SYPL2: variants seen among roughly 807,000 people sequenced by gnomAD.
The protein encoded by SYPL2 is synaptophysin-like protein 2.
Under a neutral mutation model 31.3 loss-of-function variants are expected in SYPL2, and 24 were observed. The ratio of observed to expected loss-of-function variants is 0.77; its 90% CI spans 0.56 to 1.08. The LOEUF (loss-of-function observed/expected upper bound fraction) is 1.08. Among genes scored for constraint, SYPL2 ranks in the 50% least tolerant of loss-of-function variants. The probability of loss-of-function intolerance (pLI) is 0.00; values close to 1 mark genes in which losing one functional copy is unlikely to be tolerated. For synonymous variants in SYPL2, 144 were observed against 143.1 expected, an observed-to-expected ratio of 1.01 and a Z score of -0.05; for missense variants, 342 against 360.1, an observed-to-expected ratio of 0.95 and a Z score of 0.41.
rs1655641901 is a variant in SYPL2 at position 109,466,619 on chromosome 1, G to T, written c.-225G>T. The T allele has an allele frequency of 7.3e-6, 3 of 410,316 alleles. No homozygotes were observed. The highest frequency in any genetic ancestry group is 8.5e-6 in the Non-Finnish European group (2 of 236,406). The allele number at this position is 410,316 out of a possible 1,614,324, so 25.4% of individuals were successfully genotyped here. A position where few individuals can be genotyped will look rare whatever the true frequency, so the allele number is the denominator to read the frequency against. Reference sequence around the variant, plus strand: ...GTCGGGGGCTTTCTGCTGCCGGCGGGGCACCGCGGCGGCCGCAGCCTCTGA... The same window carrying T: ...GTCGGGGGCTTTCTGCTGCCGGCGGTGCACCGCGGCGGCCGCAGCCTCTGA... On this transcript the variant is annotated 5_prime_UTR_variant, in exon 1 of 6. Coordinates refer to ENST00000369872, the MANE Select transcript of SYPL2 (RefSeq NM_001040709.2).
rs764215394 is a variant in SYPL2 at position 109,475,668 on chromosome 1, G to A, written c.217G>A (p.Val73Met). The change falls in exon 3 of 6, where the codon GTG becomes ATG. Residue 73 changes from valine to methionine, a missense_variant. Coordinates refer to ENST00000369872, the MANE Select transcript of SYPL2 (RefSeq NM_001040709.2). ...MVRCNNEAKD[V>M]SSIIVAFGYP... ...TCGCTGCAACAACGAAGCCAAGGAC[G>A]TGAGCTCCATCATCGTTGCATTTGG... The A allele has an allele frequency of 1.2e-5, 19 of 1,614,012 alleles. No homozygotes were observed. The highest frequency in any genetic ancestry group is 2.7e-5 in the African/African-American group (2 of 74,932).
intron 2 of SYPL2, among the ~76,000 whole-genome samples, chr1:109,474,261 GATGTGGAGGATAAGAC>G (rs1655924689): frequency 6.6e-6 from 1 of 151,730 alleles, no homozygotes; most frequent in Admixed American, 6.6e-5. Context: ...CTGAGCAGAT[GATGTGGAGGATAAGAC>G]ATTTCAATTT....
At position 109,482,054 on chromosome 1, in the gene SYPL2, G is replaced by A. The variant is rs149323924; in HGVS notation, c.*2506G>A. ...ACTTCTGGGATTGCAGATCAGGGGT[G>A]GGGGGAGAATGTTGCATGTTGTTTT... On this transcript the variant is annotated 3_prime_UTR_variant, in exon 6 of 6. Coordinates refer to ENST00000369872, the MANE Select transcript of SYPL2 (RefSeq NM_001040709.2). 6.6e-6 allele frequency: 1 copy of A among 152,658 alleles called. No individual in the cohort carries two copies. Among genetic ancestry groups the A allele is most frequent in the Non-Finnish European group, 1.5e-5 (1 of 68,084 alleles). The allele number at this position is 152,658 out of a possible 1,614,324, so 9.5% of individuals were successfully genotyped here.
chr1:109,467,088 G>T lies in SYPL2; in HGVS notation c.84G>T (p.Trp28Cys). The change falls in exon 2 of 6, where the codon TGG (tryptophan) becomes TGT (cysteine). Residue 28 changes from tryptophan (W) to cysteine (C), a missense_variant. Coordinates refer to ENST00000369872, the MANE Select transcript of SYPL2 (RefSeq NM_001040709.2). Reference sequence around the variant, plus strand: ...ACCGCCTACTCGTGGGGCTGCGCTGGCGGCGGCTGGAGGAGCCGCTGGGCT... The same window carrying T: ...ACCGCCTACTCGTGGGGCTGCGCTGTCGGCGGCTGGAGGAGCCGCTGGGCT... ...QVDRLLVGLRWRRLEEPLGFI... is the reference protein window; with the variant it reads ...QVDRLLVGLRCRRLEEPLGFI... 1 of 1,545,254 alleles carries T rather than the reference G, an allele frequency of 6.5e-7. No individual in the cohort carries two copies.
chr1:109,475,953 C>G (rs1655987341), intron 3 of SYPL2, among the ~76,000 whole-genome samples: 1 of 152,228 alleles, frequency 6.6e-6, no homozygotes, highest in Non-Finnish European at 1.5e-5. Flanking sequence ...CAACCCATGG[C>G]AGGTCACACC....
chr1:109,472,578 T>G, intron 2 of SYPL2, among the ~76,000 whole-genome samples: 1 of 151,456 alleles, frequency 6.6e-6, no homozygotes, highest in Non-Finnish European at 1.5e-5. Context: ...GCCCCCAAGT[T>G]TTGAGTACCT....
chr1:109,467,250 G>A, intron 2 of SYPL2, 117 bp downstream of exon 2: 2 of 750,490 alleles, frequency 2.7e-6, no homozygotes, highest in Admixed American at 6.0e-5. Context: ...CGGCGGAAGG[G>A]TGGGGGGCGG....
At chr1:109,469,017 G>A (rs1655743645) in intron 2 of SYPL2, among the ~76,000 whole-genome samples, 1 of 152,186 alleles carries the variant, frequency 6.6e-6, no homozygotes, top group Non-Finnish European at 1.5e-5. Flanking sequence ...CATTCACAGG[G>A]TAGCATCACA....
At chr1:109,473,405 G>C (rs979310553) in intron 2 of SYPL2, among the ~76,000 whole-genome samples, 2 of 152,180 alleles carry the variant, frequency 1.3e-5, no homozygotes, top group African/African-American at 4.8e-5. Context: ...TATTTGGAGA[G>C]AGGCCAATGG....
chr1:109,475,002 G>A (rs1655951542), intron 2 of SYPL2, among the ~76,000 whole-genome samples: 1 of 152,226 alleles, frequency 6.6e-6, no homozygotes, highest in Admixed American at 6.5e-5. Context: ...ACAGTAGTAT[G>A]GCCCATCTGG....
chr1:109,479,064 C>T (rs925903219), intron 5 of SYPL2, among the ~76,000 whole-genome samples: 1 of 152,246 alleles, frequency 6.6e-6, no homozygotes, highest in Non-Finnish European at 1.5e-5. Context: ...TGGGAGGCGC[C>T]CCAGGGCTGA....
At chr1:109,475,767 G>A in intron 3 of SYPL2, 62 bp downstream of exon 3, 1 of 1,568,422 alleles carries the variant, frequency 6.4e-7, no homozygotes. Flanking sequence ...GGACCTGCTT[G>A]GTCTCTTCCT....
chr1:109,471,999 C>T (rs57212104), intron 2 of SYPL2, among the ~76,000 whole-genome samples: 2,759 of 151,944 alleles, frequency 0.018, 90 homozygotes, highest in African/African-American at 0.063. Flanking sequence ...ACACTGCACC[C>T]GGCTTGAATT....
chr1:109,471,523 C>A (rs991404148), intron 2 of SYPL2, among the ~76,000 whole-genome samples: 1 of 152,122 alleles, frequency 6.6e-6, no homozygotes. Context: ...TAAGATAGTA[C>A]CTGCTAGTCA....
At chr1:109,469,827 C>CAAAAAAAAAAAAAAAAAAAAAAA (rs10533137) in intron 2 of SYPL2, among the ~76,000 whole-genome samples, 1 of 79,194 alleles carries the variant, frequency 1.3e-5, no homozygotes, top group Non-Finnish European at 2.3e-5. Flanking sequence ...GACCTTGTCT[C>CAAAAAAAAAAAAAAAAAAAAAAA]AAAAAAAAAA....
chr1:109,477,179 C>G (rs189324539), intron 4 of SYPL2, among the ~76,000 whole-genome samples: 1 of 152,156 alleles, frequency 6.6e-6, no homozygotes, highest in Non-Finnish European at 1.5e-5. Flanking sequence ...AGTTAGACTG[C>G]CTGGGTTCAG....
At chr1:109,470,665 G>A (rs564368351) in intron 2 of SYPL2, among the ~76,000 whole-genome samples, 6 of 152,124 alleles carry the variant, frequency 3.9e-5, no homozygotes, top group Non-Finnish European at 8.8e-5. Flanking sequence ...TTGGTGACAG[G>A]GGTGATTTTA....
chr1:109,472,937 C>A (rs904176909), intron 2 of SYPL2, among the ~76,000 whole-genome samples: 2 of 152,030 alleles, frequency 1.3e-5, no homozygotes, highest in African/African-American at 2.4e-5. Context: ...TCTTAAGGAA[C>A]CTATAAGGAG....
intron 4 of SYPL2, 62 bp from the exon 5 acceptor site, chr1:109,477,756 A>C: frequency 6.5e-7 from 1 of 1,539,520 alleles, no homozygotes; most frequent in African/African-American, 1.4e-5. Flanking sequence ...GGCAAGTGGA[A>C]AAGAAGCAAG....
Sources: gnomAD v4.1 joint callset for allele counts (sites outside exome capture counted in the v4.1 genomes callset) on GRCh38, gnomAD v4.1.1 for gene constraint, MANE v1.5 for transcripts, NCBI Gene and HGNC (gene_info 2026-07-23, HGNC 2026-07-21) for gene names.